The following MEGF6 variants were observed in gnomAD, a reference collection of about 807,000 sequenced individuals.
MEGF6 encodes the protein multiple epidermal growth factor-like domains protein 6.
MEGF6 carries 184 observed loss-of-function variants against 207.1 expected under a neutral mutation model. That is an observed-to-expected ratio of 0.89 (90% CI 0.79 to 1.00). The LOEUF (loss-of-function observed/expected upper bound fraction) is 1.00, where lower values mean the gene tolerates loss of function less well. MEGF6 is among the 50% of genes least tolerant of loss of function. MEGF6 has a pLI of 0.00. For missense variants in MEGF6, 2,282 were observed against 2,202.9 expected (o/e 1.04, Z -0.72); for synonymous variants, 1,038 against 910.0 (o/e 1.14, Z -2.53).
intron 4 of MEGF6, among the ~76,000 whole-genome samples, chr1:3,571,040 G>A (rs950918459): frequency 6.6e-6 from 1 of 152,134 alleles, no homozygotes; most frequent in Admixed American, 6.5e-5. Context: ...ATGTTCCTCG[G>A]GGGCCTCCAG....
At chr1:3,597,731 C>T (rs1217746126) in intron 2 of MEGF6, among the ~76,000 whole-genome samples, 3 of 152,158 alleles carry the variant, frequency 2.0e-5, no homozygotes, top group Non-Finnish European at 2.9e-5. Flanking sequence ...CTGTGACAGA[C>T]GCCCCCTCAG....
At chr1:3,490,744 TCCCAGCTCTGGC>T (rs1640321616) in intron 36 of MEGF6, among the ~76,000 whole-genome samples, 155 bp from the exon 37 acceptor site, 1 of 151,864 alleles carries the variant, frequency 6.6e-6, no homozygotes, top group Non-Finnish European at 1.5e-5. Flanking sequence ...AGCCTGTCCT[TCCCAGCTCTGGC>T]CCCAGCCTTG....
intron 17 of MEGF6, 96 bp from the exon 18 acceptor site, chr1:3,502,017 G>GCCCCCCCCCGCGCCT: frequency 1.1e-6 from 1 of 870,912 alleles, no homozygotes; most frequent in Non-Finnish European, 1.4e-6. Flanking sequence ...TGCCCCCTGT[G>GCCCCCCCCCGCGCCT]CCTCACATGG....
chr1:3,581,681 C>T (rs2101763714), intron 3 of MEGF6, among the ~76,000 whole-genome samples: 1 of 152,302 alleles, frequency 6.6e-6, no homozygotes, highest in East Asian at 1.9e-4. Context: ...GACCAATCAC[C>T]CCCGGGTGGG....
At chr1:3,622,528 AT>A in the MEGF6 span, among the ~76,000 whole-genome samples, 3 of 152,226 alleles carry the variant, frequency 2.0e-5, no homozygotes, top group African/African-American at 7.2e-5. Flanking sequence ...ATCAAACATG[AT>A]GATGATCGAC....
intron 3 of MEGF6, among the ~76,000 whole-genome samples, chr1:3,589,226 A>C (rs1391327216): frequency 6.6e-6 from 1 of 152,128 alleles, no homozygotes; most frequent in Non-Finnish European, 1.5e-5. Flanking sequence ...CCTCCCCTAG[A>C]GCCTCAGGAG....
chr1:3,551,972 A>T (rs1361766638), intron 4 of MEGF6, among the ~76,000 whole-genome samples: 1 of 152,180 alleles, frequency 6.6e-6, no homozygotes, highest in Non-Finnish European at 1.5e-5. Flanking sequence ...GGCCGTTCAG[A>T]CATCAGCAAT....
intron 1 of MEGF6, among the ~76,000 whole-genome samples, chr1:3,603,770 C>A (rs546519578): frequency 0.02 from 2,971 of 152,272 alleles, 92 homozygotes; most frequent in African/African-American, 0.068. Flanking sequence ...AACCAGCCGC[C>A]GCCCCGTGGG....
chr1:3,536,557 C>T (rs1642335299), intron 4 of MEGF6, among the ~76,000 whole-genome samples: 1 of 152,186 alleles, frequency 6.6e-6, no homozygotes. Context: ...CACAACACCC[C>T]CTCCCCTACT....
At chr1:3,608,612 T>G (rs1644284802) in intron 1 of MEGF6, among the ~76,000 whole-genome samples, 1 of 152,122 alleles carries the variant, frequency 6.6e-6, no homozygotes, top group Non-Finnish European at 1.5e-5. Context: ...GGGGACTCCA[T>G]CAGAGAGAAC....
chr1:3,621,438 T>C, the MEGF6 span, among the ~76,000 whole-genome samples: 22 of 152,356 alleles, frequency 1.4e-4, no homozygotes, highest in African/African-American at 4.3e-4. Context: ...GCCTGGTTTT[T>C]TCTAGGTTAT....
chr1:3,505,216 C>T lies in MEGF6; in HGVS notation c.2180G>A (p.Cys727Tyr). 1.2e-6 allele frequency: 2 copies of T among 1,611,962 alleles called. No homozygotes were observed. Among genetic ancestry groups the T allele is most frequent in the East Asian group, 2.2e-5 (1 of 44,870 alleles). Reference sequence around the variant, plus strand: ...AGGGGCCGGCCACTCACCTTGGCCACAGTCCTCTCCCTGGAAGCCAGCAGG... The same window carrying T: ...AGGGGCCGGCCACTCACCTTGGCCATAGTCCTCTCCCTGGAAGCCAGCAGG... ...RCPAGFQGED[C>Y]GQECPVGTFG... Residue 727 changes from cysteine (C) to tyrosine (Y), a missense_variant, in exon 17 of 37, where the codon TGT becomes TAT. Transcript: ENST00000356575.
At chr1:3,500,825 C>T (rs1358701323) in intron 20 of MEGF6, 61 bp from the exon 21 acceptor site, 23 of 1,593,830 alleles carry the variant, frequency 1.4e-5, no homozygotes, top group Admixed American at 6.8e-5. Context: ...GCACCACAGC[C>T]GAGTCAGGCA....
chr1:3,531,471 T>A, intron 4 of MEGF6: 1 of 1,078,256 alleles, frequency 9.3e-7, no homozygotes. Flanking sequence ...GCCCCGCAGG[T>A]AAAGGCCAAG....
chr1:3,549,079 G>A (rs752270511), intron 4 of MEGF6, among the ~76,000 whole-genome samples: 1 of 152,160 alleles, frequency 6.6e-6, no homozygotes, highest in Non-Finnish European at 1.5e-5. Context: ...ACCCCAGGCC[G>A]GGCTGAGCTC....
At chr1:3,504,727 C>A (rs147436732) in intron 17 of MEGF6, among the ~76,000 whole-genome samples, 11 of 152,300 alleles carry the variant, frequency 7.2e-5, no homozygotes, top group African/African-American at 2.6e-4. Context: ...CTGCTCACAC[C>A]CAGGCCAAAG....
At chr1:3,598,125 A>T (rs1288727788) in intron 2 of MEGF6, among the ~76,000 whole-genome samples, 1 of 152,122 alleles carries the variant, frequency 6.6e-6, no homozygotes, top group Non-Finnish European at 1.5e-5. Flanking sequence ...CGCTGTCTGC[A>T]GGGGCGGTGA....
chr1:3,530,147 G>A (rs989649781), intron 4 of MEGF6, among the ~76,000 whole-genome samples: 47 of 152,304 alleles, frequency 3.1e-4, no homozygotes, highest in African/African-American at 9.9e-4. Context: ...TGGCTGAGCC[G>A]CCCAGCCGGA....
At position 3,500,705 on chromosome 1, in the gene MEGF6, G is replaced by A. The variant is rs1640821617; in HGVS notation, c.2635C>T (p.His879Tyr). ...CCGCTGATGGCATCACAGCTCCCGT[G>A]GCCAGCGCTGCAGTTGCAGGGGTGG... ...CSHPCNCSAG[H>Y]GSCDAISGLC... The change falls in exon 21 of 37, where the codon CAC becomes TAC. Residue 879 changes from histidine to tyrosine, a missense_variant. His to Tyr is a moderately conservative substitution (Grantham distance 83, BLOSUM62 2). Coordinates refer to ENST00000356575, the MANE Select transcript of MEGF6 (RefSeq NM_001409.4). The A allele has an allele frequency of 6.3e-7, 1 of 1,589,796 alleles. No individual in the cohort carries two copies. The highest frequency in any genetic ancestry group is 8.6e-7 in the Non-Finnish European group (1 of 1,168,544).
Sources: gnomAD v4.1 joint callset for allele counts (sites outside exome capture counted in the v4.1 genomes callset) on GRCh38, gnomAD v4.1.1 for gene constraint, MANE v1.5 for transcripts, NCBI Gene and HGNC (gene_info 2026-07-23, HGNC 2026-07-21) for gene names.